FGF13: variants seen among roughly 807,000 people sequenced by gnomAD.
FGF13 encodes fibroblast growth factor homologous factor 2.
A neutral mutation model predicts 19.5 loss-of-function variants in FGF13; 2 were observed. The ratio of observed to expected loss-of-function variants is 0.10; its 90% CI spans 0.04 to 0.32. The LOEUF (loss-of-function observed/expected upper bound fraction) is 0.32, where lower values mean the gene tolerates loss of function less well. Ranked by LOEUF, FGF13 falls within the 10% of genes least tolerant of loss-of-function variation. The pLI, the probability that FGF13 is intolerant of heterozygous loss-of-function variation, is 1.00. For synonymous variants in FGF13, 72 were observed against 76.9 expected (o/e 0.94, Z 0.33); for missense variants, 113 against 192.7 (o/e 0.59, Z 2.45).
At chrX:138,976,369 A>G (rs1248371221) in intron 1 of FGF13, among the ~76,000 whole-genome samples, 3 of 112,048 alleles carry the variant, frequency 2.7e-5, no homozygotes, top group Non-Finnish European at 5.6e-5. Context: ...TCAGCCATAA[A>G]AAAGGAACAG....
At chrX:139,123,973 G>A (rs886193479) in intron 1 of FGF13, among the ~76,000 whole-genome samples, 1 of 111,972 alleles carries the variant, frequency 8.9e-6, no homozygotes, top group African/African-American at 3.2e-5. Context: ...GCCTATATAC[G>A]AGTAGGGAGT....
chrX:139,020,095 C>A (rs1402119399), intron 1 of FGF13, among the ~76,000 whole-genome samples: 1 of 111,057 alleles, frequency 9.0e-6, no homozygotes, highest in Non-Finnish European at 1.9e-5. Flanking sequence ...TGGTTCCTTC[C>A]TATTTAATAT....
At chrX:139,089,539 A>G (rs1165395671) in intron 1 of FGF13, among the ~76,000 whole-genome samples, 1 of 111,365 alleles carries the variant, frequency 9.0e-6, no homozygotes, top group African/African-American at 3.3e-5. Context: ...GGGCTGATAT[A>G]AAGGATGGAT....
chrX:138,998,444 G>A (rs993653853), intron 1 of FGF13, among the ~76,000 whole-genome samples: 12 of 109,546 alleles, frequency 1.1e-4, no homozygotes, highest in African/African-American at 2.0e-4. Context: ...CTCATCTCAC[G>A]TGCAAAGACA....
rs143344668 is a variant in FGF13 at position 138,661,465 on chromosome X, G to A, written c.403-25810C>T. 1.7e-3 allele frequency among the ~76,000 whole-genome samples: 187 copies of A among 111,691 alleles called. 4 individuals carry two copies. Among genetic ancestry groups the A allele is most frequent in the Non-Finnish European group, 6.4e-4 (34 of 53,080 alleles). Reference sequence around the variant, plus strand: ...CTTGGTGCTTTGGAGTTCCAGTGGGGATGAATGAAAACATTTCACTGTGAA... The same window carrying A: ...CTTGGTGCTTTGGAGTTCCAGTGGGAATGAATGAAAACATTTCACTGTGAA... On this transcript the variant is annotated intron_variant, in intron 3 of 4. Coordinates refer to ENST00000315930, the MANE Select transcript of FGF13 (RefSeq NM_004114.5).
chrX:139,029,136 G>T (rs752778583), intron 1 of FGF13, among the ~76,000 whole-genome samples: 1 of 111,531 alleles, frequency 9.0e-6, no homozygotes, highest in South Asian at 3.8e-4. Context: ...ATATATCATG[G>T]TACTGAAGGA....
At chrX:138,678,258 C>A (rs1239502365) in intron 3 of FGF13, among the ~76,000 whole-genome samples, 1 of 110,358 alleles carries the variant, frequency 9.1e-6, no homozygotes, top group African/African-American at 3.3e-5. Flanking sequence ...GGGAGATATA[C>A]CTAATGCTAA....
intron 1 of FGF13, among the ~76,000 whole-genome samples, chrX:139,004,290 G>A (rs1374870304): frequency 1.8e-5 from 2 of 112,908 alleles, no homozygotes; most frequent in African/African-American, 3.2e-5. Context: ...CTCATTGCCC[G>A]GAGCCAGCAG....
In FGF13 at chrX:139,186,932, G is replaced by A. The variant is rs892664219; in HGVS notation, c.-113+16484C>T. On this transcript the variant is annotated intron_variant, in intron 1 of 2. Coordinates refer to the FGF13 transcript ENST00000421460. ...GGCTGTGTTAGCTGCCCTCCTCTGAGCTTGCACAGTTTCCAGGGCATCTGC... is the reference window on the plus strand; with the variant it reads ...GGCTGTGTTAGCTGCCCTCCTCTGAACTTGCACAGTTTCCAGGGCATCTGC... Among the ~76,000 whole-genome samples the A allele has an allele frequency of 2.7e-5, 3 of 112,153 alleles. No homozygotes were observed. In the Admixed American group the frequency reaches 2.8e-4, roughly 11 times the overall value.
At chrX:138,748,114 C>A (rs1165628531) in intron 3 of FGF13, among the ~76,000 whole-genome samples, 3 of 111,760 alleles carry the variant, frequency 2.7e-5, no homozygotes, top group Non-Finnish European at 5.6e-5. Context: ...AAATGACACT[C>A]AGAACATTTG....
chrX:138,643,725 C>T (rs989758466), intron 3 of FGF13, among the ~76,000 whole-genome samples: 2 of 111,533 alleles, frequency 1.8e-5, no homozygotes, highest in South Asian at 3.8e-4. Flanking sequence ...TTATTTCAAG[C>T]GAAGAACACT....
chrX:138,911,306 T>A (rs2091586373), intron 1 of FGF13, among the ~76,000 whole-genome samples: 1 of 111,123 alleles, frequency 9.0e-6, no homozygotes. Flanking sequence ...CATCATGTCC[T>A]TTGCAGGGAC....
At chrX:139,176,023 T>C (rs963677494) in intron 1 of FGF13, among the ~76,000 whole-genome samples, 10 of 111,940 alleles carry the variant, frequency 8.9e-5, no homozygotes, top group Admixed American at 2.8e-4. Flanking sequence ...TGTGAATCTG[T>C]CTGGTCCTGG....
rs1277199616 is a variant in FGF13 at position 139,075,875 on chromosome X, G to A, written c.-113+127541C>T. Among the ~76,000 whole-genome samples the A allele has an allele frequency of 3.0e-4, 3 of 10,157 alleles. 1 individual carries two copies. Among genetic ancestry groups the A allele is most frequent in the Non-Finnish European group, 4.7e-4 (3 of 6,368 alleles). 8.8% of individuals were successfully genotyped at this position (10,157 alleles called of 115,157 possible). A position where few individuals can be genotyped will look rare whatever the true frequency, so the allele number is the denominator to read the frequency against. On this transcript the variant is annotated intron_variant, in intron 1 of 2. Transcript: ENST00000421460. Reference sequence around the variant, plus strand: ...TTTTGAGACGGAGTCTCGCTCTGTCGCCCAGGCCGGACTGCGGACTGCAGT... The same window carrying A: ...TTTTGAGACGGAGTCTCGCTCTGTCACCCAGGCCGGACTGCGGACTGCAGT...
At chrX:138,791,596 A>T (rs2124373507) in intron 3 of FGF13, among the ~76,000 whole-genome samples, 1 of 111,758 alleles carries the variant, frequency 8.9e-6, no homozygotes, top group South Asian at 3.8e-4. Flanking sequence ...AGAAGTAATA[A>T]CTCCTAGATT....
chrX:138,867,850 TC>T (rs1461662303), intron 1 of FGF13, among the ~76,000 whole-genome samples: 2 of 107,261 alleles, frequency 1.9e-5, no homozygotes, highest in African/African-American at 6.8e-5. Context: ...CTATCTATCC[TC>T]CCTAAGTAGT....
chrX:139,143,486 G>A (rs1018919955), intron 1 of FGF13, among the ~76,000 whole-genome samples: 4 of 112,152 alleles, frequency 3.6e-5, no homozygotes, highest in African/African-American at 9.7e-5. Flanking sequence ...GGTTTTATCC[G>A]AATGGACATT....
chrX:138,630,697 T>C lies in FGF13; in HGVS notation c.*2153A>G, dbSNP rs981724409. 9.0e-6 allele frequency: 1 copy of C among 111,686 alleles called. No homozygotes were observed. The highest frequency in any genetic ancestry group is 3.3e-5 in the African/African-American group (1 of 30,745). The allele number at this position is 111,686 out of a possible 1,213,427, so 9.2% of individuals were successfully genotyped here. A position where few individuals can be genotyped will look rare whatever the true frequency, so the allele number is the denominator to read the frequency against. On this transcript the variant is annotated 3_prime_UTR_variant, in exon 5 of 5. Transcript: ENST00000315930. ...AGGCTGTTTGGGGCCCCAGTAATTT[T>C]ATTTGCAGATGCTCTGAAAAGCACT...
At chrX:139,122,195 G>A (rs910399652) in intron 1 of FGF13, among the ~76,000 whole-genome samples, 2 of 111,870 alleles carry the variant, frequency 1.8e-5, no homozygotes, top group Admixed American at 1.9e-4. Context: ...GCCCCAAGAT[G>A]CCAAAGCATC....
Sources: gnomAD v4.1 joint callset for allele counts (sites outside exome capture counted in the v4.1 genomes callset) on GRCh38, gnomAD v4.1.1 for gene constraint, MANE v1.5 for transcripts, NCBI Gene and HGNC (gene_info 2026-07-23, HGNC 2026-07-21) for gene names.